ZNF284: variants seen among roughly 807,000 people sequenced by gnomAD.
ZNF284 encodes zinc finger protein 284.
Under a neutral mutation model 12.9 loss-of-function variants are expected in ZNF284, and 12 were observed. The ratio of observed to expected loss-of-function variants is 0.93; its 90% CI spans 0.60 to 1.51. The LOEUF (loss-of-function observed/expected upper bound fraction) is 1.51. Ranked by LOEUF, ZNF284 falls within the 40% of genes most tolerant of loss-of-function variation. The pLI, the probability that ZNF284 is intolerant of heterozygous loss-of-function variation, is 0.00. For synonymous variants in ZNF284, 225 were observed against 236.5 expected (o/e 0.95, Z 0.45); for missense variants, 667 against 707.3 (o/e 0.94, Z 0.65).
chr19:44,086,689 G>A lies in ZNF284; in HGVS notation c.1211G>A (p.Cys404Tyr). 2 of 1,614,108 alleles carry A rather than the reference G, an allele frequency of 1.2e-6. No individual in the cohort carries two copies. The highest frequency in any genetic ancestry group is 1.7e-6 in the Non-Finnish European group (2 of 1,179,950). The part of the protein sequence containing the change: ...NGETTFKCDG[C>Y]GKRFYMNSQG... ...GAAACAACATTCAAGTGCGACGGAT[G>A]TGGGAAGAGATTTTATATGAATTCA... is the stretch of plus-strand genomic sequence containing the variant. The change falls in exon 5 of 5, where the codon TGT becomes TAT. Residue 404 changes from cysteine to tyrosine, a missense_variant. By Grantham distance (194) the Cys-to-Tyr change is radical (BLOSUM62 -2). Transcript: ENST00000421176.
At chr19:44,083,714 G>C (rs1398881471) in intron 4 of ZNF284, among the ~76,000 whole-genome samples, 1 of 151,864 alleles carries the variant, frequency 6.6e-6, no homozygotes, top group Non-Finnish European at 1.5e-5. Flanking sequence ...CATTGCAAAT[G>C]ATCCTGTCAC....
At chr19:44,080,992 AT>A (rs1967112106) in intron 2 of ZNF284, 22 bp from the exon 3 acceptor site, 2 of 1,606,138 alleles carry the variant, frequency 1.2e-6, no homozygotes, top group Admixed American at 1.7e-5. Context: ...TGAGATTGAG[AT>A]TGCATACGTT....
In ZNF284 at chr19:44,083,474, TAGAG is replaced by T. The variant is rs60441974; in HGVS notation, c.235+1394_235+1397del. Among the ~76,000 whole-genome samples the T allele has an allele frequency of 6.5e-4, 42 of 64,916 alleles. 2 individuals carry two copies. Among genetic ancestry groups the T allele is most frequent in the East Asian group, 1.0e-3 (3 of 2,950 alleles). 42.6% of individuals were successfully genotyped at this position (64,916 alleles called of 152,430 possible). A position where few individuals can be genotyped will look rare whatever the true frequency, so the allele number is the denominator to read the frequency against. Reference sequence around the variant, plus strand: ...AAATATATATATATATATATATATATAGAGAGAGAGAGAGAGAGAGAGAGAGAGG... The same window carrying T: ...AAATATATATATATATATATATATATAGAGAGAGAGAGAGAGAGAGAGAGG... On this transcript the variant is annotated intron_variant, in intron 4 of 4. Coordinates refer to ENST00000421176, the MANE Select transcript of ZNF284 (RefSeq NM_001037813.4).
chr19:44,086,566 T>A lies in ZNF284; in HGVS notation c.1088T>A (p.Met363Lys), dbSNP rs1201648235. ...AGGCAAGATCTTTGTAAGCATCAGA[T>A]GGACCATACAGGAGACAAACCATAT... ...TCRQDLCKHQ[M>K]DHTGDKPYNC... The change falls in exon 5 of 5, where the codon ATG becomes AAG. Residue 363 changes from methionine to lysine, a missense_variant. Physicochemically the swap from Met to Lys is moderately conservative, Grantham distance 95. Coordinates refer to ENST00000421176, the MANE Select transcript of ZNF284 (RefSeq NM_001037813.4). 6.2e-7 allele frequency: 1 copy of A among 1,614,174 alleles called. No individual in the cohort carries two copies. The highest frequency in any genetic ancestry group is 1.7e-5 in the Admixed American group (1 of 60,030).
At chr19:44,083,913 TAGG>T (rs995477714) in intron 4 of ZNF284, among the ~76,000 whole-genome samples, 1 of 152,080 alleles carries the variant, frequency 6.6e-6, no homozygotes, top group African/African-American at 2.4e-5. Context: ...CTCAGGTCAC[TAGG>T]AGGAGTATAC....
intron 1 of ZNF284, among the ~76,000 whole-genome samples, chr19:44,073,612 C>T (rs142948450): frequency 0.012 from 1,809 of 150,996 alleles, 30 homozygotes; most frequent in African/African-American, 0.042. Context: ...GGCACGATCT[C>T]GGCTCACTGC....
At chr19:44,085,608 C>A in intron 4 of ZNF284, 106 bp from the exon 5 acceptor site, 1 of 1,038,958 alleles carries the variant, frequency 9.6e-7, no homozygotes, top group Non-Finnish European at 1.4e-6. Flanking sequence ...ACAAACTGTA[C>A]CTTCCTTGTA....
rs1157436472 is a variant in ZNF284 at position 44,086,970 on chromosome 19, CTTCG to C, written c.1495_1498del (p.Arg499SerfsTer28). 9 of 1,614,084 alleles carry C rather than the reference CTTCG, an allele frequency of 5.6e-6. No homozygotes were observed. In the East Asian group the frequency reaches 2.0e-4, roughly 36 times the overall value. ...GAAGAGGTTTACTGAGAATTCAAAACTTCGTTTCCATCAAAGAATTCACACTGGA... is the reference window on the plus strand; with the variant it reads ...GAAGAGGTTTACTGAGAATTCAAAACTTTCCATCAAAGAATTCACACTGGA... On this transcript the variant is annotated frameshift_variant, in exon 5 of 5. Transcript: ENST00000421176. LOFTEE classifies it low-confidence loss of function (END_TRUNC).
chr19:44,086,447 C>G lies in ZNF284; in HGVS notation c.969C>G (p.Ser323Arg). The part of the protein sequence containing the change: ...KSFRCDTCSN[S>R]FGQRSALNSH... ...TTAGATGTGATACCTGTAGTAATAG[C>G]TTTGGTCAGAGATCAGCACTTAATA... The change falls in exon 5 of 5, where the codon AGC becomes AGG. Residue 323 changes from serine (S) to arginine (R), a missense_variant. Ser to Arg is a moderately radical substitution (Grantham distance 110, BLOSUM62 -1). Coordinates refer to ENST00000421176, the MANE Select transcript of ZNF284 (RefSeq NM_001037813.4). The G allele has an allele frequency of 6.2e-7, 1 of 1,614,142 alleles. No homozygotes were observed. Among genetic ancestry groups the G allele is most frequent in the Non-Finnish European group, 8.5e-7 (1 of 1,180,022 alleles).
intron 4 of ZNF284, 98 bp downstream of exon 4, chr19:44,082,203 A>G (rs910313519): frequency 2.2e-6 from 2 of 921,718 alleles, no homozygotes; most frequent in African/African-American, 3.3e-5. Flanking sequence ...AAATGGCCAA[A>G]CCTGTTTCCT....
chr19:44,076,330 C>A lies in ZNF284; in HGVS notation c.-60C>A. On this transcript the variant is annotated 5_prime_UTR_variant, in exon 2 of 5. The change creates a new upstream start codon in the 5' untranslated region. Transcript: ENST00000421176. ...TCCATGGCATGTTTCAGGCACAATT[C>A]TGTCTTCTCTTGAACTGCATAACTG... The A allele has an allele frequency of 1.3e-6, 2 of 1,528,090 alleles. No homozygotes were observed. Among genetic ancestry groups the A allele is most frequent in the Non-Finnish European group, 8.9e-7 (1 of 1,124,046 alleles). 94.7% of individuals were successfully genotyped at this position (1,528,090 alleles called of 1,614,324 possible).
At position 44,086,192 on chromosome 19, in the gene ZNF284, A is replaced by G. The variant is rs768049445; in HGVS notation, c.714A>G (p.Lys238=). The change falls in exon 5 of 5, where the codon AAA becomes AAG. Residue 238 remains lysine, a synonymous_variant. Transcript: ENST00000421176. ...CATTCAAATGTGAGCAGTGTGGGAAAAGTTTCAGCCGTAGATCAGGAATGT... is the reference window on the plus strand; with the variant it reads ...CATTCAAATGTGAGCAGTGTGGGAAGAGTTTCAGCCGTAGATCAGGAATGT... ...EKPFKCEQCG[K]SFSRRSGMYV... 6.2e-7 allele frequency: 1 copy of G among 1,614,172 alleles called. No homozygotes were observed. Among genetic ancestry groups the G allele is most frequent in the East Asian group, 2.2e-5 (1 of 44,874 alleles).
At chr19:44,074,875 C>G (rs1212273363) in intron 1 of ZNF284, among the ~76,000 whole-genome samples, 2 of 152,206 alleles carry the variant, frequency 1.3e-5, no homozygotes, top group East Asian at 3.9e-4. Flanking sequence ...GGGCGTGCGC[C>G]TGTAATCCCA....
chr19:44,076,570 T>G (rs761721057), intron 2 of ZNF284, among the ~76,000 whole-genome samples, 166 bp downstream of exon 2: 5 of 152,210 alleles, frequency 3.3e-5, no homozygotes, highest in Non-Finnish European at 7.3e-5. Flanking sequence ...TGCGTTTGGA[T>G]TTGATTTTGT....
rs1191639318 is a variant in ZNF284 at position 44,087,099 on chromosome 19, T to C, written c.1621T>C (p.Cys541Arg). Residue 541 changes from cysteine (C) to arginine (R), a missense_variant, in exon 5 of 5, where the codon TGT becomes CGT. By Grantham distance (180) the Cys-to-Arg change is radical. Transcript: ENST00000421176. ...RLHSREKLFQ[C>R]EDCGKSSEHS... ...CCACAGCAGAGAAAAACTATTCCAA[T>C]GTGAGGATTGTGGGAAGAGCAGTGA... is the stretch of plus-strand genomic sequence containing the variant. The C allele has an allele frequency of 1.2e-6, 2 of 1,614,126 alleles. No homozygotes were observed. Among genetic ancestry groups the C allele is most frequent in the East Asian group, 2.2e-5 (1 of 44,878 alleles).
intron 4 of ZNF284, among the ~76,000 whole-genome samples, chr19:44,084,294 G>A (rs935826853): frequency 6.6e-6 from 1 of 152,216 alleles, no homozygotes; most frequent in African/African-American, 2.4e-5. Context: ...GCAACACAGG[G>A]TAGAGCAATC....
chr19:44,081,100 G>C lies in ZNF284; in HGVS notation c.101G>C (p.Arg34Pro), dbSNP rs191621832. ...LLDVSQRKLY[R>P]DVMLENFRNL... Reference sequence around the variant, plus strand: ...GACGTTTCCCAGAGGAAGCTGTATCGAGATGTCATGCTGGAGAACTTCAGA... The same window carrying C: ...GACGTTTCCCAGAGGAAGCTGTATCCAGATGTCATGCTGGAGAACTTCAGA... The change falls in exon 3 of 5, where the codon CGA (arginine) becomes CCA (proline). Residue 34 changes from arginine (R) to proline (P), a missense_variant. Transcript: ENST00000421176. 1.9e-6 allele frequency: 3 copies of C among 1,612,868 alleles called. No individual in the cohort carries two copies. The African/African-American group carries it at 4.0e-5, about 22-fold the overall frequency.
intron 3 of ZNF284, 81 bp from the exon 4 acceptor site, chr19:44,081,932 T>C: frequency 9.1e-7 from 1 of 1,093,206 alleles, no homozygotes; most frequent in Non-Finnish European, 1.4e-6. Flanking sequence ...GTGTTCAAGT[T>C]CGAGTGTGCA....
chr19:44,086,138 T>C lies in ZNF284; in HGVS notation c.660T>C (p.Thr220=). The C allele has an allele frequency of 6.2e-7, 1 of 1,614,176 alleles. No individual in the cohort carries two copies. Among genetic ancestry groups the C allele is most frequent in the Non-Finnish European group, 8.5e-7 (1 of 1,180,038 alleles). The change falls in exon 5 of 5, where the codon ACT becomes ACC. Residue 220 remains threonine, a synonymous_variant. Transcript: ENST00000421176. ...TTAGTCAGAACTCACAACTGCAAAC[T>C]CATCAGAGAATCCACACTGGAGAGA... ...KAFSQNSQLQ[T]HQRIHTGEKP... is the part of the protein sequence containing the mutation.
Sources: allele counts gnomAD v4.1 joint callset (sites outside exome capture counted in the v4.1 genomes callset), GRCh38; gene constraint gnomAD v4.1.1; transcripts MANE v1.5; gene names NCBI Gene and HGNC (gene_info 2026-07-23, HGNC 2026-07-21).